Variants in DMD observed in about 807,000 individuals in gnomAD.
DMD encodes dystrophin.
DMD carries 63 observed loss-of-function variants against 330.1 expected under a neutral mutation model. The ratio of observed to expected loss-of-function variants is 0.19; its 90% CI spans 0.16 to 0.24. The LOEUF is 0.24. Ranked by LOEUF, DMD falls within the 10% of genes least tolerant of loss-of-function variation. DMD has a pLI of 1.00. For missense variants in DMD, 3,344 were observed against 2,684.1 expected (o/e 1.25, Z -5.43); for synonymous variants, 1,223 against 959.8 (o/e 1.27, Z -5.07).
intron 44 of DMD, among the ~76,000 whole-genome samples, chrX:32,061,083 T>G (rs1171436211): frequency 9.0e-6 from 1 of 111,118 alleles, no homozygotes; most frequent in Admixed American, 9.6e-5. Context: ...CTTCTCTACA[T>G]TTTTTTTCTG....
chrX:33,320,899 A>C (rs1023142914), intron 1 of DMD, among the ~76,000 whole-genome samples: 4 of 112,046 alleles, frequency 3.6e-5, no homozygotes, highest in African/African-American at 9.7e-5. Flanking sequence ...ATTTTATCTC[A>C]AGAAAGCACT....
At chrX:31,939,325 C>T (rs767556583) in intron 45 of DMD, among the ~76,000 whole-genome samples, 12 of 111,556 alleles carry the variant, frequency 1.1e-4, no homozygotes, top group Non-Finnish European at 2.1e-4. Context: ...TGTGTCTTGT[C>T]GGAATGAAGT....
intron 1 of DMD, among the ~76,000 whole-genome samples, chrX:33,310,935 G>C (rs1425577365): frequency 3.6e-5 from 4 of 110,818 alleles, no homozygotes; most frequent in African/African-American, 1.3e-4. Flanking sequence ...ATGCACCAGA[G>C]AAAATGAAGC....
chrX:32,850,873 A>T lies in DMD; in HGVS notation c.94-1053T>A, dbSNP rs749414141. On this transcript the variant is annotated intron_variant, in intron 2 of 78. Coordinates refer to ENST00000357033, the MANE Select transcript of DMD (RefSeq NM_004006.3). ...ATAAACCTGAGCTAGGTACTGAATC[A>T]TATGCTAGTACATCAGACATAGGCC... is the stretch of plus-strand genomic sequence containing the variant. Among the ~76,000 whole-genome samples the T allele has an allele frequency of 7.2e-5, 8 of 111,827 alleles. No individual in the cohort carries two copies. In the East Asian group the frequency reaches 2.2e-3, roughly 31 times the overall value.
At chrX:32,170,360 T>C (rs1298028956) in intron 44 of DMD, among the ~76,000 whole-genome samples, 1 of 108,940 alleles carries the variant, frequency 9.2e-6, no homozygotes, top group African/African-American at 3.3e-5. Context: ...TAATCCCAGC[T>C]ATTCAGGAGG....
At chrX:31,178,899 T>C (rs1264990873) in intron 69 of DMD, 94 bp from the exon 70 acceptor site, 2 of 1,046,114 alleles carry the variant, frequency 1.9e-6, no homozygotes, top group Non-Finnish European at 2.6e-6. Context: ...ACTTGTTTTG[T>C]AATTAAGGAG....
intron 7 of DMD, among the ~76,000 whole-genome samples, chrX:32,719,296 T>A (rs1426393129): frequency 8.9e-6 from 1 of 112,214 alleles, no homozygotes; most frequent in African/African-American, 3.2e-5. Context: ...TCAGATAATC[T>A]TAATAGAGCT....
At chrX:32,961,842 T>C (rs1451794477) in intron 2 of DMD, among the ~76,000 whole-genome samples, 1 of 111,670 alleles carries the variant, frequency 9.0e-6, no homozygotes, top group Non-Finnish European at 1.9e-5. Context: ...TAGCAAGAAC[T>C]AAGTCATCCC....
At chrX:31,378,189 C>T (rs1194811688) in intron 60 of DMD, among the ~76,000 whole-genome samples, 2 of 111,651 alleles carry the variant, frequency 1.8e-5, no homozygotes, top group African/African-American at 6.5e-5. Context: ...TGCCATCACT[C>T]GGATCAGGGG....
intron 2 of DMD, among the ~76,000 whole-genome samples, chrX:33,019,501 C>CA (rs2093872422): frequency 9.0e-6 from 1 of 111,189 alleles, no homozygotes; most frequent in Non-Finnish European, 1.9e-5. Flanking sequence ...TTTGACATCC[C>CA]AATAAACCTC....
At chrX:32,056,390 T>TAAAAAAAAAAAAAA (rs34726053) in intron 44 of DMD, among the ~76,000 whole-genome samples, 1 of 47,568 alleles carries the variant, frequency 2.1e-5, no homozygotes, top group Non-Finnish European at 4.2e-5. Flanking sequence ...GTAGATTAAG[T>TAAAAAAAAAAAAAA]AAAAAAAAAA....
At chrX:32,580,721 T>A (rs1025517809) in intron 13 of DMD, among the ~76,000 whole-genome samples, 1 of 112,097 alleles carries the variant, frequency 8.9e-6, no homozygotes, top group Non-Finnish European at 1.9e-5. Context: ...AATGATAATT[T>A]TTTTTGCATT....
At chrX:31,503,580 A>C (rs1331564491) in intron 56 of DMD, among the ~76,000 whole-genome samples, 1 of 112,061 alleles carries the variant, frequency 8.9e-6, no homozygotes, top group Non-Finnish European at 1.9e-5. Context: ...ACACTTGAAG[A>C]AACATGTTAT....
intron 1 of DMD, among the ~76,000 whole-genome samples, chrX:33,308,371 T>C (rs943755687): frequency 1.5e-4 from 17 of 112,441 alleles, no homozygotes; most frequent in Admixed American, 1.4e-3. Context: ...GATTTCGAAA[T>C]AAATAATTCT....
At chrX:31,813,123 G>C (rs2092512524) in intron 50 of DMD, among the ~76,000 whole-genome samples, 1 of 111,675 alleles carries the variant, frequency 9.0e-6, no homozygotes, top group Non-Finnish European at 1.9e-5. Context: ...ATGTGGGGTT[G>C]GGTCCAGATT....
At chrX:31,448,863 G>T (rs910455910) in intron 59 of DMD, among the ~76,000 whole-genome samples, 5 of 112,171 alleles carry the variant, frequency 4.5e-5, no homozygotes, top group African/African-American at 1.3e-4. Context: ...GATTTAGAAT[G>T]ATAGGTAAGT....
intron 7 of DMD, among the ~76,000 whole-genome samples, chrX:32,747,434 C>T (rs780190287): frequency 1.8e-5 from 2 of 111,141 alleles, no homozygotes; most frequent in Non-Finnish European, 3.8e-5. Flanking sequence ...CTCAATCAAG[C>T]GTGAGAGTGA....
chrX:32,836,705 C>T (rs1417789404), intron 4 of DMD, among the ~76,000 whole-genome samples: 1 of 111,517 alleles, frequency 9.0e-6, no homozygotes, highest in African/African-American at 3.3e-5. Flanking sequence ...AATGCTTTTT[C>T]CTTCACAAAT....
intron 7 of DMD, among the ~76,000 whole-genome samples, chrX:32,748,771 A>C (rs2070415227): frequency 8.9e-6 from 1 of 112,392 alleles, no homozygotes; most frequent in African/African-American, 3.2e-5. Flanking sequence ...GAGCTTATAC[A>C]TGTGAACAAA....
Sources: allele counts gnomAD v4.1 joint callset (sites outside exome capture counted in the v4.1 genomes callset), GRCh38; gene constraint gnomAD v4.1.1; transcripts MANE v1.5; gene names NCBI Gene and HGNC (gene_info 2026-07-23, HGNC 2026-07-21).